CHD1L: variants seen among roughly 807,000 people sequenced by gnomAD.
CHD1L encodes ATP-dependent chromatin remodeler CHD1L.
Under a neutral mutation model 115.9 loss-of-function variants are expected in CHD1L, and 118 were observed. That is an observed-to-expected ratio of 1.02 (90% CI 0.88 to 1.19). The LOEUF is 1.19. Ranked by LOEUF, CHD1L falls within the 50% of genes most tolerant of loss-of-function variation. The pLI is 0.00. For missense variants in CHD1L, 1,179 were observed against 1,065.3 expected (o/e 1.11, Z -1.49); for synonymous variants, 411 against 387.1 (o/e 1.06, Z -0.72).
the CHD1L span, among the ~76,000 whole-genome samples, chr1:147,189,054 T>C: frequency 1.3e-5 from 2 of 152,024 alleles, no homozygotes; most frequent in Non-Finnish European, 2.9e-5. Flanking sequence ...GGCGGGCAGA[T>C]CACAAGGTCA....
chr1:147,200,983 T>A, the CHD1L span, among the ~76,000 whole-genome samples: 1 of 152,184 alleles, frequency 6.6e-6, no homozygotes, highest in Non-Finnish European at 1.5e-5. Flanking sequence ...ATGTCCATGG[T>A]TATAAATTGC....
At chr1:147,203,366 G>A in the CHD1L span, 9 of 1,192,666 alleles carry the variant, frequency 7.5e-6, no homozygotes, top group Admixed American at 1.7e-5. Flanking sequence ...CCCACTCTAA[G>A]TACAGTGACT....
chr1:147,287,357 C>T (rs587645936), intron 18 of CHD1L, among the ~76,000 whole-genome samples: 6 of 152,296 alleles, frequency 3.9e-5, no homozygotes, highest in East Asian at 1.9e-4. Context: ...CTTCCGCAGT[C>T]ATTTGCCAGG....
At chr1:147,287,614 A>G (rs375009743) in intron 18 of CHD1L, 21 bp from the exon 19 acceptor site, 431 of 1,600,076 alleles carry the variant, frequency 2.7e-4, no homozygotes, top group Non-Finnish European at 3.1e-4. Context: ...ATAGATGAAA[A>G]TTTTCTCTTT....
At chr1:147,284,908 T>G (rs1177749552) in intron 16 of CHD1L, among the ~76,000 whole-genome samples, 3 of 152,210 alleles carry the variant, frequency 2.0e-5, no homozygotes, top group African/African-American at 7.2e-5. Flanking sequence ...TAGCTATCAC[T>G]AAGATAATCA....
chr1:147,271,104 G>A, intron 11 of CHD1L, 99 bp downstream of exon 11: 5 of 1,045,666 alleles, frequency 4.8e-6, no homozygotes, highest in Non-Finnish European at 7.2e-6. Flanking sequence ...ATATTACAAA[G>A]GAAAGCAGGG....
the CHD1L span, among the ~76,000 whole-genome samples, chr1:147,180,653 C>T: frequency 1.3e-5 from 2 of 152,196 alleles, no homozygotes; most frequent in South Asian, 2.1e-4. Context: ...CCAGTTTGAA[C>T]ACACCCCAGC....
At chr1:147,276,625 C>T (rs1678578028) in intron 14 of CHD1L, among the ~76,000 whole-genome samples, 1 of 152,192 alleles carries the variant, frequency 6.6e-6, no homozygotes, top group Non-Finnish European at 1.5e-5. Context: ...AGCCTTTGAT[C>T]AGTGACTTAC....
At chr1:147,273,170 TCCAGC>T (rs1676942378) in intron 12 of CHD1L, among the ~76,000 whole-genome samples, 1 of 152,176 alleles carries the variant, frequency 6.6e-6, no homozygotes, top group African/African-American at 2.4e-5. Flanking sequence ...ACCACTACAT[TCCAGC>T]CTAAGAAATT....
At chr1:147,294,589 G>A (rs1165191545) in intron 22 of CHD1L, 72 bp downstream of exon 22, 1 of 1,246,402 alleles carries the variant, frequency 8.0e-7, no homozygotes, top group African/African-American at 1.5e-5. Flanking sequence ...TCTGGTGTCA[G>A]TTCTTAATCC....
the CHD1L span, among the ~76,000 whole-genome samples, chr1:147,220,101 G>A: frequency 4.6e-5 from 7 of 152,254 alleles, no homozygotes; most frequent in East Asian, 1.4e-3. Context: ...GCCTCCCAAA[G>A]TGCTGGGATT....
Position 147,290,064 on chromosome 1 carries a change from G to A in CHD1L, c.2321-1418G>A, listed in dbSNP as rs140154121. On this transcript the variant is annotated intron_variant, in intron 19 of 22. Coordinates refer to ENST00000369258, the MANE Select transcript of CHD1L (RefSeq NM_004284.6). ...TCAACCTAACCAATAGACAGGGTCT[G>A]TAAAATAAAAGGAACAAAGGTTTTT... Among the ~76,000 whole-genome samples the A allele has an allele frequency of 1.3e-3, 201 of 152,272 alleles. 1 individual carries two copies. The highest frequency in any genetic ancestry group is 4.5e-3 in the African/African-American group (189 of 41,550).
chr1:147,190,327 T>C, the CHD1L span: 1 of 916,284 alleles, frequency 1.1e-6, no homozygotes. Context: ...TACTATGCTA[T>C]GGAGAATTCA....
chr1:147,246,045 C>T (rs11239954), intron 1 of CHD1L, among the ~76,000 whole-genome samples: 32,808 of 152,136 alleles, frequency 0.22, 3,725 homozygotes, highest in Middle Eastern at 0.28. Flanking sequence ...GCTACACTCA[C>T]CTCCCTTCTA....
rs587689888 is a variant in CHD1L at position 147,287,463 on chromosome 1, C to T, written c.2222-172C>T. On this transcript the variant is annotated intron_variant, in intron 18 of 22. Coordinates refer to ENST00000369258, the MANE Select transcript of CHD1L (RefSeq NM_004284.6). The stretch of plus-strand genomic sequence containing the variant: ...GGCCCCAGCTATATCTTCCAGAAAA[C>T]ATAAACATATTTGGGAAGTCCAACC... Among the ~76,000 whole-genome samples the T allele has an allele frequency of 2.6e-5, 4 of 152,274 alleles. No individual in the cohort carries two copies. In the East Asian group the frequency reaches 7.7e-4, roughly 29 times the overall value.
At chr1:147,267,739 G>A (rs1300865383) in intron 9 of CHD1L, among the ~76,000 whole-genome samples, 2 of 151,844 alleles carry the variant, frequency 1.3e-5, no homozygotes, top group Non-Finnish European at 2.9e-5. Flanking sequence ...TTAAATCCAC[G>A]ATCCAGTCCT....
chr1:147,274,077 A>G (rs1226800082), intron 12 of CHD1L, among the ~76,000 whole-genome samples: 5 of 152,202 alleles, frequency 3.3e-5, no homozygotes, highest in Admixed American at 2.0e-4. Flanking sequence ...GTATTATAGT[A>G]TAGTGGATAA....
the CHD1L span, chr1:147,186,437 CA>C: frequency 1.1e-6 from 1 of 915,404 alleles, no homozygotes; most frequent in African/African-American, 1.8e-5. Flanking sequence ...TCTTATCTCT[CA>C]GGAAACATAT....
intron 1 of CHD1L, among the ~76,000 whole-genome samples, chr1:147,246,865 T>C (rs1201919872): frequency 1.3e-5 from 2 of 152,174 alleles, no homozygotes; most frequent in Admixed American, 1.3e-4. Flanking sequence ...TTTTCTCTTA[T>C]GGATAGTTTT....
Sources: gnomAD v4.1 joint callset for allele counts (sites outside exome capture counted in the v4.1 genomes callset) on GRCh38, gnomAD v4.1.1 for gene constraint, MANE v1.5 for transcripts, NCBI Gene and HGNC (gene_info 2026-07-23, HGNC 2026-07-21) for gene names.